ARHGEF3: variants seen among roughly 807,000 people sequenced by gnomAD.
The protein encoded by ARHGEF3 is 59.8 kDA protein.
In ARHGEF3, 28 loss-of-function variants were observed where a neutral mutation model predicts 63.2. The ratio of observed to expected loss-of-function variants is 0.44; its 90% confidence interval spans 0.33 to 0.61. ARHGEF3 has a LOEUF of 0.61. Ranked by LOEUF, ARHGEF3 falls within the 20% of genes least tolerant of loss-of-function variation. The probability of loss-of-function intolerance (pLI) is 0.03; values close to 1 mark genes in which losing one functional copy is unlikely to be tolerated. For synonymous variants in ARHGEF3, 266 were observed against 254.2 expected (o/e 1.05, Z -0.44); for missense variants, 533 against 659.3 (o/e 0.81, Z 2.10).
intron 3 of ARHGEF3, among the ~76,000 whole-genome samples, chr3:56,898,796 C>T (rs944829590): frequency 6.6e-6 from 1 of 152,114 alleles, no homozygotes; most frequent in African/African-American, 2.4e-5. Context: ...GTGGCTTACG[C>T]CTGTAATCCC....
At chr3:56,745,076 G>T (rs2034293272) in intron 7 of ARHGEF3, 129 bp downstream of exon 7, 2 of 1,203,644 alleles carry the variant, frequency 1.7e-6, no homozygotes, top group Non-Finnish European at 2.3e-6. Context: ...TGATGGCAGT[G>T]CCAGGCCTGG....
chr3:56,736,458 A>C (rs1192575799), intron 8 of ARHGEF3, among the ~76,000 whole-genome samples: 4 of 152,226 alleles, frequency 2.6e-5, no homozygotes, highest in Non-Finnish European at 5.9e-5. Context: ...ATTTTTAAAA[A>C]ATTGGTTTCA....
chr3:56,991,143 A>T (rs943229938), intron 2 of ARHGEF3, among the ~76,000 whole-genome samples: 2 of 152,124 alleles, frequency 1.3e-5, no homozygotes, highest in African/African-American at 4.8e-5. Flanking sequence ...AGTCCCTCTC[A>T]GGCTGCTCAC....
At chr3:56,975,761 C>A in intron 2 of ARHGEF3, 1 of 420,546 alleles carries the variant, frequency 2.4e-6, no homozygotes, top group Non-Finnish European at 4.6e-6. Context: ...CAAACACTTA[C>A]TATGTACCAG....
chr3:56,762,759 G>GT (rs2035493081), intron 2 of ARHGEF3, among the ~76,000 whole-genome samples: 1 of 152,196 alleles, frequency 6.6e-6, no homozygotes. Flanking sequence ...GGGTGGGACT[G>GT]TAAGAGGAAA....
At chr3:56,965,039 G>C (rs1700432647) in intron 2 of ARHGEF3, among the ~76,000 whole-genome samples, 1 of 152,178 alleles carries the variant, frequency 6.6e-6, no homozygotes, top group Non-Finnish European at 1.5e-5. Context: ...GATCGCTTGA[G>C]GCCAGGAGTT....
chr3:56,792,654 G>C (rs2037145003), intron 1 of ARHGEF3, among the ~76,000 whole-genome samples: 1 of 152,164 alleles, frequency 6.6e-6, no homozygotes, highest in African/African-American at 2.4e-5. Flanking sequence ...GCCTAAAACT[G>C]TAAAATGCAC....
rs796586047 is a variant in ARHGEF3, at chr3:57,066,270, C to CTTT, written c.-28+12953_-28+12955dup. The stretch of plus-strand genomic sequence containing the variant: ...CAACCATTACACTTTTCCTTTCTTT[C>CTTT]TTTTTTTTTTTTTCTGAAACAGAGT... On this transcript the variant is annotated intron_variant, in intron 1 of 12. Transcript: ENST00000338458. 3.8e-3 allele frequency among the ~76,000 whole-genome samples: 559 copies of CTTT among 145,336 alleles called. 2 individuals carry two copies. Among genetic ancestry groups the CTTT allele is most frequent in the African/African-American group, 0.013 (520 of 39,960 alleles).
intron 2 of ARHGEF3, among the ~76,000 whole-genome samples, chr3:56,756,978 C>A (rs1271031508): frequency 6.6e-6 from 1 of 152,198 alleles, no homozygotes; most frequent in African/African-American, 2.4e-5. Flanking sequence ...TAGCAATGAT[C>A]ATACTTGATT....
intron 2 of ARHGEF3, among the ~76,000 whole-genome samples, chr3:57,007,853 T>G (rs1359803550): frequency 6.6e-6 from 1 of 152,218 alleles, no homozygotes; most frequent in Admixed American, 6.5e-5. Context: ...CCTCTCCTCC[T>G]GCATAACAGG....
intron 1 of ARHGEF3, among the ~76,000 whole-genome samples, chr3:56,795,299 C>T (rs191316561): frequency 1.3e-5 from 2 of 152,228 alleles, no homozygotes; most frequent in East Asian, 3.9e-4. Context: ...TCTCAACAGG[C>T]CTTTCCCACT....
At chr3:56,897,472 C>T (rs975128523) in intron 3 of ARHGEF3, among the ~76,000 whole-genome samples, 2 of 152,028 alleles carry the variant, frequency 1.3e-5, no homozygotes, top group African/African-American at 4.8e-5. Flanking sequence ...GCTTCTAGGC[C>T]CTCTCAGTAG....
chr3:56,866,893 A>G (rs192750744), intron 4 of ARHGEF3, among the ~76,000 whole-genome samples: 3 of 152,358 alleles, frequency 2.0e-5, no homozygotes, highest in African/African-American at 4.8e-5. Context: ...AGATCTTTCC[A>G]TACCAACTGA....
intron 8 of ARHGEF3, among the ~76,000 whole-genome samples, chr3:56,736,835 G>C (rs1047434216): frequency 1.3e-5 from 2 of 152,208 alleles, no homozygotes; most frequent in Non-Finnish European, 2.9e-5. Flanking sequence ...GCTCAAGCCT[G>C]TAATTCCAGC....
intron 2 of ARHGEF3, among the ~76,000 whole-genome samples, chr3:56,983,062 AT>A (rs1484322132): frequency 3.3e-5 from 5 of 151,660 alleles, no homozygotes; most frequent in African/African-American, 9.7e-5. Context: ...AATAAAAAAA[AT>A]AATAATTTAA....
upstream of ARHGEF3, chr3:56,801,978 T>G: frequency 1.1e-5 from 13 of 1,227,464 alleles, no homozygotes; most frequent in East Asian, 5.3e-5. Flanking sequence ...GGCGGGACCG[T>G]GCCAGCCACG....
chr3:56,929,336 G>C (rs999702613), intron 3 of ARHGEF3, among the ~76,000 whole-genome samples: 1 of 152,156 alleles, frequency 6.6e-6, no homozygotes, highest in Non-Finnish European at 1.5e-5. Flanking sequence ...AAGAAGGGAC[G>C]GTTTACATGC....
intron 7 of ARHGEF3, among the ~76,000 whole-genome samples, chr3:56,740,848 C>G (rs918467265): frequency 6.6e-6 from 1 of 152,168 alleles, no homozygotes; most frequent in Non-Finnish European, 1.5e-5. Context: ...CTGCAAATAT[C>G]CAGGAAACCA....
At chr3:57,014,703 C>T (rs1356254152) in intron 2 of ARHGEF3, among the ~76,000 whole-genome samples, 2 of 144,802 alleles carry the variant, frequency 1.4e-5, no homozygotes, top group Admixed American at 1.4e-4. Flanking sequence ...TTTTTTGAGA[C>T]AGAGTCTCGC....
Sources: gnomAD v4.1 joint callset for allele counts (sites outside exome capture counted in the v4.1 genomes callset) on GRCh38, gnomAD v4.1.1 for gene constraint, MANE v1.5 for transcripts, NCBI Gene and HGNC (gene_info 2026-07-23, HGNC 2026-07-21) for gene names.